URB2: variants seen among roughly 807,000 people sequenced by gnomAD.
The protein encoded by URB2 is unhealthy ribosome biogenesis protein 2 homolog.
A neutral mutation model predicts 120.9 loss-of-function variants in URB2; 86 were observed. The observed-to-expected ratio is 0.71, with a 90% CI of 0.60 to 0.85. The LOEUF (loss-of-function observed/expected upper bound fraction) is 0.85, where lower values mean the gene tolerates loss of function less well. Among genes scored for constraint, URB2 ranks in the 40% least tolerant of loss-of-function variants. The pLI, the probability that URB2 is intolerant of heterozygous loss-of-function variation, is 0.00. For synonymous variants in URB2, 755 were observed against 758.4 expected, an observed-to-expected ratio of 1.00 and a Z score of 0.07; for missense variants, 1,765 against 1,836.5, an observed-to-expected ratio of 0.96 and a Z score of 0.71.
intron 2 of URB2, among the ~76,000 whole-genome samples, chr1:229,628,167 G>GTATATATGTATATAATATATATAA (rs71563416): frequency 8.6e-6 from 1 of 116,096 alleles, no homozygotes; most frequent in African/African-American, 3.1e-5. Flanking sequence ...TATATGTATA[G>GTATATATGTATATAATATATATAA]TATATATGTA....
rs1329701280 is a variant in URB2, at chr1:229,637,689, A to C, written c.3076A>C (p.Ile1026Leu). The C allele has an allele frequency of 9.3e-6, 15 of 1,614,248 alleles. No individual in the cohort carries two copies. In the Middle Eastern group the frequency reaches 4.9e-4, roughly 53 times the overall value. ...GAGCTTGGTGCTCAATTTTAGAAAA[A>C]TCACCGCATTCCTCTCTAGTTCCAA... ...KLSLVLNFRK[I>L]TAFLSSSKPY... Residue 1026 changes from isoleucine (I) to leucine (L), a missense_variant, in exon 4 of 10, where the codon ATC (isoleucine) becomes CTC (leucine). Transcript: ENST00000258243.
chr1:229,635,029 A>C lies in URB2; in HGVS notation c.416A>C (p.Tyr139Ser). 6.2e-7 allele frequency: 1 copy of C among 1,614,050 alleles called. No individual in the cohort carries two copies. The highest frequency in any genetic ancestry group is 8.5e-7 in the Non-Finnish European group (1 of 1,179,926). The change falls in exon 4 of 10, where the codon TAC (tyrosine) becomes TCC (serine). Residue 139 changes from tyrosine (Y) to serine (S), a missense_variant. By Grantham distance (144) the Tyr-to-Ser change is moderately radical (BLOSUM62 -2). Coordinates refer to ENST00000258243, the MANE Select transcript of URB2 (RefSeq NM_014777.4). ...TCGACACCTGCCCTGGCTGTCATCT[A>C]CACGGCCAAACAGGAGCTGATGGTG... ...ILSTPALAVI[Y>S]TAKQELMVAL...
At chr1:229,655,813 A>G (rs1188383946) in intron 9 of URB2, among the ~76,000 whole-genome samples, 1 of 152,246 alleles carries the variant, frequency 6.6e-6, no homozygotes, top group Non-Finnish European at 1.5e-5. Flanking sequence ...ATCACAAGTA[A>G]GCTTGTTAGG....
At position 229,659,352 on chromosome 1, in the gene URB2, G is replaced by C; in HGVS notation, c.*55G>C. On this transcript the variant is annotated 3_prime_UTR_variant, in exon 10 of 10. Coordinates refer to ENST00000258243, the MANE Select transcript of URB2 (RefSeq NM_014777.4). Reference sequence around the variant, plus strand: ...ACTGTCCAGAGGCTTTGGCTGCATGGTCTGAAAGAGCTGGAGAATGAAAGA... The same window carrying C: ...ACTGTCCAGAGGCTTTGGCTGCATGCTCTGAAAGAGCTGGAGAATGAAAGA... 1 of 1,555,358 alleles carries C rather than the reference G, an allele frequency of 6.4e-7. No individual in the cohort carries two copies. Among genetic ancestry groups the C allele is most frequent in the South Asian group, 1.1e-5 (1 of 88,204 alleles).
At chr1:229,630,365 T>C (rs1274830803) in intron 2 of URB2, among the ~76,000 whole-genome samples, 3 of 152,210 alleles carry the variant, frequency 2.0e-5, no homozygotes, top group Admixed American at 1.3e-4. Context: ...AACATTCATC[T>C]CCTTGTACAT....
intron 5 of URB2, among the ~76,000 whole-genome samples, chr1:229,645,396 A>G (rs1208486633): frequency 1.3e-5 from 2 of 152,112 alleles, no homozygotes; most frequent in South Asian, 2.1e-4. Context: ...GTCAGCATGT[A>G]GCACCCGTGA....
chr1:229,652,770 G>A (rs1295725894), intron 8 of URB2, among the ~76,000 whole-genome samples: 1 of 152,236 alleles, frequency 6.6e-6, no homozygotes, highest in Non-Finnish European at 1.5e-5. Flanking sequence ...ACGGAAGGCC[G>A]GGGCCTTGCT....
Position 229,644,108 on chromosome 1 carries a change from G to T in URB2, c.3795+415G>T, listed in dbSNP as rs572862653. On this transcript the variant is annotated intron_variant, in intron 5 of 9. Transcript: ENST00000258243. ...CACCTAGGTTAGCCTACCCCCTTCAGTTCTGACAGAAGTCGCTAATACAGC... is the reference window on the plus strand; with the variant it reads ...CACCTAGGTTAGCCTACCCCCTTCATTTCTGACAGAAGTCGCTAATACAGC... 3.4e-4 allele frequency among the ~76,000 whole-genome samples: 52 copies of T among 152,358 alleles called. No individual in the cohort carries two copies. In the South Asian group the frequency reaches 0.01, roughly 30 times the overall value.
chr1:229,636,099 A>C lies in URB2; in HGVS notation c.1486A>C (p.Thr496Pro). The C allele has an allele frequency of 1.2e-6, 2 of 1,614,240 alleles. No individual in the cohort carries two copies. The highest frequency in any genetic ancestry group is 1.7e-6 in the Non-Finnish European group (2 of 1,180,048). Residue 496 changes from threonine (T) to proline (P), a missense_variant, in exon 4 of 10, where the codon ACG becomes CCG. Physicochemically the swap from Thr to Pro is conservative, Grantham distance 38. Transcript: ENST00000258243. ...RQPVLASGPS[T>P]VLSACLLELP... is the part of the protein sequence containing the mutation. The stretch of plus-strand genomic sequence containing the variant: ...GCCTGTGCTGGCCTCGGGCCCCTCC[A>C]CGGTACTCTCTGCATGCCTCCTGGA...
intron 3 of URB2, among the ~76,000 whole-genome samples, chr1:229,633,201 G>A (rs1238226474): frequency 1.3e-5 from 2 of 150,066 alleles, no homozygotes; most frequent in Non-Finnish European, 3.0e-5. Flanking sequence ...TAACGGAGGG[G>A]AACGAAGGTT....
intron 5 of URB2, among the ~76,000 whole-genome samples, chr1:229,643,956 CAT>C (rs1666075518): frequency 6.6e-6 from 1 of 152,248 alleles, no homozygotes; most frequent in South Asian, 2.1e-4. Context: ...AAGTGTTACA[CAT>C]TCACAAAACT....
intron 4 of URB2, among the ~76,000 whole-genome samples, chr1:229,638,535 A>T (rs1665916505): frequency 6.6e-6 from 1 of 151,794 alleles, no homozygotes; most frequent in Non-Finnish European, 1.5e-5. Flanking sequence ...AGTCCCAGCT[A>T]CTCGGGAGGC....
intron 4 of URB2, 81 bp downstream of exon 4, chr1:229,638,328 T>A: frequency 6.9e-7 from 1 of 1,442,100 alleles, no homozygotes; most frequent in Non-Finnish European, 9.3e-7. Context: ...TGGGAATAAG[T>A]GAACACGTGA....
At position 229,641,009 on chromosome 1, in the gene URB2, CTTT is replaced by C. The variant is rs769502292; in HGVS notation, c.3635-2505_3635-2503del. On this transcript the variant is annotated intron_variant, in intron 4 of 9. Coordinates refer to ENST00000258243, the MANE Select transcript of URB2 (RefSeq NM_014777.4). ...CAACCCTACTGAGTTGAGGCAATCTCTTTTTTTTTTTTTTTTTTTTTGAGACAG... is the reference window on the plus strand; with the variant it reads ...CAACCCTACTGAGTTGAGGCAATCTCTTTTTTTTTTTTTTTTTTGAGACAG... Among the ~76,000 whole-genome samples, 5 of 115,276 alleles carry C rather than the reference CTTT, an allele frequency of 4.3e-5. No individual in the cohort carries two copies. The South Asian group carries it at 8.5e-4, about 20-fold the overall frequency. 75.6% of individuals were successfully genotyped at this position (115,276 alleles called of 152,430 possible).
In URB2 at chr1:229,638,028, A is replaced by G; in HGVS notation, c.3415A>G (p.Ile1139Val). 6.2e-7 allele frequency: 1 copy of G among 1,613,194 alleles called. No individual in the cohort carries two copies. The highest frequency in any genetic ancestry group is 2.2e-5 in the East Asian group (1 of 44,856). ...GQHCRDGGAD[I>V]SQGSDRTLLS... ...GCACTGCAGGGATGGAGGGGCCGAC[A>G]TTTCCCAAGGAAGCGACAGGACGCT... The change falls in exon 4 of 10, where the codon ATT becomes GTT. Residue 1139 changes from isoleucine to valine, a missense_variant. Coordinates refer to ENST00000258243, the MANE Select transcript of URB2 (RefSeq NM_014777.4).
chr1:229,631,236 G>C (rs1156700805), intron 2 of URB2, among the ~76,000 whole-genome samples: 2 of 152,138 alleles, frequency 1.3e-5, no homozygotes, highest in African/African-American at 4.8e-5. Flanking sequence ...TCATAGAATT[G>C]AAGAGAGTTA....
intron 6 of URB2, 52 bp downstream of exon 6, chr1:229,646,021 T>C (rs751802181): frequency 1.3e-6 from 2 of 1,560,278 alleles, no homozygotes. Flanking sequence ...CCTCTTCCTG[T>C]AAAGACAGAA....
intron 7 of URB2, among the ~76,000 whole-genome samples, chr1:229,649,235 C>A (rs1666216272): frequency 6.6e-6 from 1 of 152,146 alleles, no homozygotes. Context: ...GAAAAATATT[C>A]TCTGGTAAGC....
Position 229,636,913 on chromosome 1 carries a change from T to G in URB2, c.2300T>G (p.Leu767Arg), listed in dbSNP as rs774220802. Residue 767 changes from leucine to arginine, a missense_variant, in exon 4 of 10, where the codon CTG becomes CGG. Leu to Arg is a moderately radical substitution (Grantham distance 102, BLOSUM62 -2). Transcript: ENST00000258243. ...DDVGYLASVL[L>R]RTLPMGKAQE... Reference sequence around the variant, plus strand: ...GTGGGATACCTGGCCAGTGTCCTGCTGAGAACTTTACCCATGGGCAAAGCC... The same window carrying G: ...GTGGGATACCTGGCCAGTGTCCTGCGGAGAACTTTACCCATGGGCAAAGCC... 1 of 1,612,846 alleles carries G rather than the reference T, an allele frequency of 6.2e-7. No homozygotes were observed. Among genetic ancestry groups the G allele is most frequent in the South Asian group, 1.1e-5 (1 of 90,936 alleles).
Sources: gnomAD v4.1 joint callset for allele counts (sites outside exome capture counted in the v4.1 genomes callset) on GRCh38, gnomAD v4.1.1 for gene constraint, MANE v1.5 for transcripts, NCBI Gene and HGNC (gene_info 2026-07-23, HGNC 2026-07-21) for gene names.